Variants in OPCML observed in about 807,000 individuals in gnomAD.
The protein encoded by OPCML is opioid-binding protein/cell adhesion molecule.
In OPCML, 13 loss-of-function variants were observed where a neutral mutation model predicts 37.8. The ratio of observed to expected loss-of-function variants is 0.34; its 90% CI spans 0.22 to 0.55. The LOEUF is 0.55. Among genes scored for constraint, OPCML ranks in the 20% least tolerant of loss-of-function variants. The pLI is 0.91. For synonymous variants in OPCML, 176 were observed against 168.8 expected (o/e 1.04, Z -0.33); for missense variants, 341 against 435.6 (o/e 0.78, Z 1.93).
chr11:133,395,923 G>A (rs1945275633), intron 1 of OPCML, among the ~76,000 whole-genome samples: 1 of 152,106 alleles, frequency 6.6e-6, no homozygotes, highest in African/African-American at 2.4e-5. Context: ...TGTGGAGAAC[G>A]TCGTTGGTAT....
At chr11:133,142,875 G>T (rs1949845052) in intron 1 of OPCML, among the ~76,000 whole-genome samples, 1 of 151,978 alleles carries the variant, frequency 6.6e-6, no homozygotes, top group Admixed American at 6.5e-5. Context: ...ATACAACACA[G>T]TCTGGGCAAA....
At chr11:132,617,034 T>TAGAAGTATATGTTGC (rs1358603085) in intron 3 of OPCML, among the ~76,000 whole-genome samples, 3 of 152,208 alleles carry the variant, frequency 2.0e-5, no homozygotes, top group Admixed American at 6.5e-5. Context: ...TTTCTTTCAT[T>TAGAAGTATATGTTGC]AGAAGTATAT....
intron 4 of OPCML, among the ~76,000 whole-genome samples, chr11:132,477,041 C>T (rs1318940171): frequency 6.6e-6 from 1 of 152,084 alleles, no homozygotes; most frequent in Non-Finnish European, 1.5e-5. Flanking sequence ...TATCTTTGGG[C>T]TTTTATAAGA....
intron 1 of OPCML, among the ~76,000 whole-genome samples, chr11:132,957,087 T>C (rs1945990577): frequency 1.3e-5 from 2 of 152,212 alleles, no homozygotes; most frequent in Admixed American, 1.3e-4. Flanking sequence ...GCTATGATCA[T>C]GCCACTGTAT....
At chr11:133,531,648 G>A (rs140081679) in intron 1 of OPCML, among the ~76,000 whole-genome samples, 246 of 152,128 alleles carry the variant, frequency 1.6e-3, no homozygotes, top group African/African-American at 5.7e-3. Context: ...AGCTGAGAAG[G>A]AGGGATGGGG....
rs1458124880 is a variant in OPCML, at chr11:132,420,202, G to A, written c.1008C>T (p.Ile336=). 1 of 1,613,822 alleles carries A rather than the reference G, an allele frequency of 6.2e-7. No individual in the cohort carries two copies. The highest frequency in any genetic ancestry group is 1.1e-5 in the South Asian group (1 of 91,072). The part of the protein sequence containing the change: ...LSGTLLAHFF[I]KF ...GACCTAGGATTTCTTATCAAAACTT[G>A]ATGAAGAAGTGGGCTAAGAGGGTCC... Residue 336 remains isoleucine (I), a synonymous_variant, in exon 8 of 8, where the codon ATC becomes ATT. Coordinates refer to ENST00000524381, the MANE Select transcript of OPCML (RefSeq NM_001012393.5).
chr11:133,194,639 G>T lies in OPCML; in HGVS notation c.62-251629C>A, dbSNP rs941513337. Among the ~76,000 whole-genome samples the T allele has an allele frequency of 5.3e-5, 8 of 152,130 alleles. No homozygotes were observed. The East Asian group carries it at 1.3e-3, about 26-fold the overall frequency. On this transcript the variant is annotated intron_variant, in intron 1 of 7. Transcript: ENST00000524381. ...ACCAAGCCCTTTCCATCTCCGATAC[G>T]TCCTTCACTTTGCCCATATAGCAAG...
intron 1 of OPCML, among the ~76,000 whole-genome samples, chr11:132,964,466 G>T (rs995310511): frequency 5.9e-5 from 9 of 152,178 alleles, no homozygotes; most frequent in Admixed American, 1.3e-4. Context: ...TAACCTGTGT[G>T]AGCCTTAGTT....
intron 2 of OPCML, among the ~76,000 whole-genome samples, chr11:132,887,792 C>T (rs1943480257): frequency 1.3e-5 from 2 of 152,214 alleles, no homozygotes; most frequent in Admixed American, 6.5e-5. Context: ...GCTCCCTGTC[C>T]GCGCTGCGGC....
intron 2 of OPCML, among the ~76,000 whole-genome samples, chr11:132,820,698 C>T (rs999194141): frequency 6.6e-6 from 1 of 152,138 alleles, no homozygotes; most frequent in Non-Finnish European, 1.5e-5. Flanking sequence ...CATATCTAAA[C>T]AGTTGAAGCT....
intron 1 of OPCML, among the ~76,000 whole-genome samples, chr11:133,391,475 C>T (rs1341514210): frequency 6.6e-6 from 1 of 152,184 alleles, no homozygotes; most frequent in African/African-American, 2.4e-5. Context: ...AAGCAAAAAG[C>T]CTTTATTCAG....
At chr11:133,447,793 T>A (rs1946502187) in intron 1 of OPCML, among the ~76,000 whole-genome samples, 1 of 152,226 alleles carries the variant, frequency 6.6e-6, no homozygotes, top group Non-Finnish European at 1.5e-5. Flanking sequence ...TAGGTTGACT[T>A]CATGTCTTTG....
intron 1 of OPCML, among the ~76,000 whole-genome samples, chr11:133,274,815 G>T (rs1941947657): frequency 6.6e-6 from 1 of 152,116 alleles, no homozygotes; most frequent in Non-Finnish European, 1.5e-5. Flanking sequence ...GTTCTCCCTT[G>T]GAATTTCTCC....
chr11:132,423,406 C>G (rs1205175978), intron 7 of OPCML, among the ~76,000 whole-genome samples: 1 of 152,232 alleles, frequency 6.6e-6, no homozygotes, highest in African/African-American at 2.4e-5. Context: ...TCACTTTCCT[C>G]ATACAGATCC....
chr11:132,939,445 A>C (rs1189942048), intron 2 of OPCML, among the ~76,000 whole-genome samples: 2 of 152,220 alleles, frequency 1.3e-5, no homozygotes, highest in Admixed American at 1.3e-4. Flanking sequence ...GGATCAACAA[A>C]ACTGATTATC....
intron 2 of OPCML, among the ~76,000 whole-genome samples, chr11:132,704,484 G>A (rs1426966629): frequency 1.3e-5 from 2 of 152,096 alleles, no homozygotes; most frequent in African/African-American, 2.4e-5. Context: ...AAGCCAGTGG[G>A]CACTCCCAAA....
intron 1 of OPCML, among the ~76,000 whole-genome samples, chr11:133,473,297 T>C (rs1055232653): frequency 6.6e-5 from 10 of 152,114 alleles, no homozygotes; most frequent in African/African-American, 1.7e-4. Flanking sequence ...ATGGCCTCCA[T>C]TGAAAACAAA....
intron 1 of OPCML, among the ~76,000 whole-genome samples, chr11:132,974,337 C>T (rs1489200816): frequency 6.6e-6 from 1 of 152,218 alleles, no homozygotes; most frequent in East Asian, 1.9e-4. Flanking sequence ...CCCCATCACA[C>T]TTTGCATACC....
intron 2 of OPCML, among the ~76,000 whole-genome samples, chr11:132,829,465 A>G (rs541523900): frequency 6.6e-6 from 1 of 152,338 alleles, no homozygotes; most frequent in East Asian, 1.9e-4. Context: ...GGACCAGTAC[A>G]AAGCACAAGA....
Sources: gnomAD v4.1 joint callset for allele counts (sites outside exome capture counted in the v4.1 genomes callset) on GRCh38, gnomAD v4.1.1 for gene constraint, MANE v1.5 for transcripts, NCBI Gene and HGNC (gene_info 2026-07-23, HGNC 2026-07-21) for gene names.